DIP2A: variants seen among roughly 807,000 people sequenced by gnomAD.
DIP2A encodes the protein disco-interacting protein 2 homolog A.
Under a neutral mutation model 177.4 loss-of-function variants are expected in DIP2A, and 85 were observed. The ratio of observed to expected loss-of-function variants is 0.48; its 90% CI spans 0.40 to 0.57. The LOEUF (loss-of-function observed/expected upper bound fraction) is 0.57. Ranked by LOEUF, DIP2A falls within the 20% of genes least tolerant of loss-of-function variation. The pLI is 0.00. For missense variants in DIP2A, 1,791 were observed against 2,100.2 expected, an observed-to-expected ratio of 0.85 and a Z score of 2.88; for synonymous variants, 886 against 881.8, an observed-to-expected ratio of 1.00 and a Z score of -0.08.
intron 8 of DIP2A, among the ~76,000 whole-genome samples, chr21:46,526,194 G>A (rs2148716780): frequency 6.6e-6 from 1 of 152,094 alleles, no homozygotes; most frequent in Non-Finnish European, 1.5e-5. Flanking sequence ...ACAAGCGTGA[G>A]CCACCCGCAC....
intron 36 of DIP2A, 53 bp from the exon 37 acceptor site, chr21:46,566,507 A>C (rs1003002485): frequency 1.2e-4 from 195 of 1,611,578 alleles, no homozygotes; most frequent in Non-Finnish European, 1.6e-4. Flanking sequence ...ACGAATGTCC[A>C]GACTCTGCAT....
At chr21:46,483,325 A>G (rs550451936) in intron 1 of DIP2A, among the ~76,000 whole-genome samples, 1 of 148,344 alleles carries the variant, frequency 6.7e-6, no homozygotes, top group East Asian at 1.9e-4. Context: ...AATATGTCTA[A>G]AAGACACTAA....
intron 32 of DIP2A, chr21:46,558,674 G>A: frequency 2.2e-6 from 1 of 447,752 alleles, no homozygotes; most frequent in South Asian, 2.5e-5. Context: ...ACACAGCTAA[G>A]TTCTTAAAGC....
chr21:46,464,844 T>TTTTTTTTTA (rs58546395), intron 1 of DIP2A, among the ~76,000 whole-genome samples: 1 of 111,218 alleles, frequency 9.0e-6, no homozygotes, highest in Admixed American at 9.2e-5. Context: ...TTTTTTTTTT[T>TTTTTTTTTA]CAAGAAAACA....
At chr21:46,506,581 T>A (rs909418407) in intron 6 of DIP2A, among the ~76,000 whole-genome samples, 1 of 152,174 alleles carries the variant, frequency 6.6e-6, no homozygotes, top group Non-Finnish European at 1.5e-5. Flanking sequence ...TAGAGATATC[T>A]CATTACAGTT....
intron 32 of DIP2A, among the ~76,000 whole-genome samples, chr21:46,559,951 A>G (rs1282405612): frequency 6.6e-6 from 1 of 152,170 alleles, no homozygotes; most frequent in African/African-American, 2.4e-5. Context: ...CTAGACAAAC[A>G]TGTTTCTTTT....
At chr21:46,564,652 G>C (rs998013781) in intron 35 of DIP2A, among the ~76,000 whole-genome samples, 3 of 152,172 alleles carry the variant, frequency 2.0e-5, no homozygotes, top group Non-Finnish European at 2.9e-5. Context: ...CAAACCAGGC[G>C]GGCACAGGCA....
intron 5 of DIP2A, among the ~76,000 whole-genome samples, chr21:46,503,628 CTTTCTTTCCTTTCTTTCTTTCTT>C (rs1568987331): frequency 4.4e-4 from 55 of 123,792 alleles, no homozygotes; most frequent in African/African-American, 1.7e-3. Flanking sequence ...TTCTTTCTTT[CTTTCTTTCCTTTCTTTCTTTCTT>C]TTTCTTTCTT....
chr21:46,561,111 G>A (rs1933276891), intron 33 of DIP2A: 2 of 745,594 alleles, frequency 2.7e-6, no homozygotes, highest in African/African-American at 3.8e-5. Context: ...AGTGGCCCCT[G>A]TGACATTTGG....
chr21:46,486,211 G>A (rs1025285610), intron 2 of DIP2A, among the ~76,000 whole-genome samples: 1 of 151,980 alleles, frequency 6.6e-6, no homozygotes, highest in African/African-American at 2.4e-5. Flanking sequence ...CATGTATGAT[G>A]ATTGCACATA....
chr21:46,478,127 A>AAGCTTGATTT (rs2056066779), intron 1 of DIP2A, among the ~76,000 whole-genome samples: 1 of 151,958 alleles, frequency 6.6e-6, no homozygotes, highest in Non-Finnish European at 1.5e-5. Context: ...TTTGTTTTTC[A>AAGCTTGATTT]AGCTTGATTT....
At chr21:46,484,068 C>T (rs1394675427) in intron 1 of DIP2A, among the ~76,000 whole-genome samples, 2 of 152,176 alleles carry the variant, frequency 1.3e-5, no homozygotes, top group Non-Finnish European at 2.9e-5. Context: ...CCTTTTTCCT[C>T]CTTTCCCAAG....
intron 1 of DIP2A, among the ~76,000 whole-genome samples, chr21:46,480,691 A>G (rs1165817367): frequency 6.6e-6 from 1 of 152,196 alleles, no homozygotes; most frequent in Non-Finnish European, 1.5e-5. Flanking sequence ...TTCCAAAGGA[A>G]TAAACACTGG....
In DIP2A at chr21:46,459,143, C is replaced by T; in HGVS notation, c.12C>T (p.Arg4=). 2 of 1,513,998 alleles carry T rather than the reference C, an allele frequency of 1.3e-6. No individual in the cohort carries two copies. Among genetic ancestry groups the T allele is most frequent in the Non-Finnish European group, 1.8e-6 (2 of 1,132,234 alleles). 93.8% of individuals were successfully genotyped at this position (1,513,998 alleles called of 1,614,324 possible). MAD[R]GCPLEAAPLP... is the part of the protein sequence containing the mutation. ...TAGCCGGCCTGGCCATGGCTGACCG[C>T]GGGTGCCCGCTGGAGGCGGCGCCGC... Residue 4 remains arginine, a synonymous_variant, in exon 1 of 38, where the codon CGC becomes CGT. Coordinates refer to ENST00000417564, the MANE Select transcript of DIP2A (RefSeq NM_015151.4).
In DIP2A at chr21:46,556,916, T is replaced by C; in HGVS notation, c.3499-23T>C. ...CTGAATTTCATTTCACTTTTTTTTT[T>C]TGAACTTTATTTTACTCTTAAGATG... is the stretch of plus-strand genomic sequence containing the variant. On this transcript the variant is annotated intron_variant, in intron 29 of 37. Coordinates refer to ENST00000417564, the MANE Select transcript of DIP2A (RefSeq NM_015151.4). This position sits in a 1 kb window ranked among gnomAD's most constrained non-coding sequence, Gnocchi z 4.5. The C allele has an allele frequency of 6.6e-7, 1 of 1,519,578 alleles. No individual in the cohort carries two copies. The highest frequency in any genetic ancestry group is 1.2e-5 in the South Asian group (1 of 83,104). 94.1% of individuals were successfully genotyped at this position (1,519,578 alleles called of 1,614,324 possible). A position where few individuals can be genotyped will look rare whatever the true frequency, so the allele number is the denominator to read the frequency against.
intron 28 of DIP2A, chr21:46,555,643 C>T (rs1284393298): frequency 6.4e-6 from 2 of 311,192 alleles, no homozygotes; most frequent in Middle Eastern, 1.1e-3. Flanking sequence ...CTCGGCTCAT[C>T]TGGGCTTTGC....
chr21:46,533,434 T>A, intron 10 of DIP2A, 90 bp from the exon 11 acceptor site: 1 of 1,448,076 alleles, frequency 6.9e-7, no homozygotes, highest in Middle Eastern at 2.4e-4. Flanking sequence ...AAAAAAGATC[T>A]GTTCTCTGTG....
chr21:46,461,889 G>C (rs558771600), intron 1 of DIP2A, among the ~76,000 whole-genome samples: 1 of 135,990 alleles, frequency 7.4e-6, no homozygotes, highest in Admixed American at 7.3e-5. Context: ...GGGAGACCCT[G>C]CCTCTTCCAA....
At chr21:46,492,391 T>C (rs530618878) in intron 3 of DIP2A, among the ~76,000 whole-genome samples, 1 of 152,362 alleles carries the variant, frequency 6.6e-6, no homozygotes, top group Admixed American at 6.5e-5. Flanking sequence ...TTGATGATCA[T>C]ACCTTAATAA....
Sources: gnomAD v4.1 joint callset for allele counts (sites outside exome capture counted in the v4.1 genomes callset) on GRCh38, gnomAD v4.1.1 for gene constraint, Gnocchi (gnomAD v3.1) non-coding constraint, MANE v1.5 for transcripts, NCBI Gene and HGNC (gene_info 2026-07-23, HGNC 2026-07-21) for gene names.